The following MYRIP variants were observed in gnomAD, a reference collection of about 807,000 sequenced individuals.
MYRIP encodes the protein rab effector MyRIP.
In MYRIP, 49 loss-of-function variants were observed where a neutral mutation model predicts 98.0. The observed-to-expected ratio is 0.50, with a 90% CI of 0.40 to 0.63. MYRIP has a LOEUF of 0.63. MYRIP is among the 30% of genes least tolerant of loss of function. The pLI, the probability that MYRIP is intolerant of heterozygous loss-of-function variation, is 0.00. For missense variants in MYRIP, 1,004 were observed against 1,058.2 expected (o/e 0.95, Z 0.71); for synonymous variants, 404 against 409.5 (o/e 0.99, Z 0.16).
intron 1 of MYRIP, among the ~76,000 whole-genome samples, chr3:39,895,600 T>A (rs1328151978): frequency 1.3e-5 from 2 of 152,198 alleles, no homozygotes; most frequent in Non-Finnish European, 2.9e-5. Context: ...TAACTTCTAC[T>A]GAATCTCAAT....
In MYRIP at chr3:39,938,865, G is replaced by A. The variant is rs116544511; in HGVS notation, c.110+37939G>A. On this transcript the variant is annotated intron_variant, in intron 2 of 16. Transcript: ENST00000302541. Reference sequence around the variant, plus strand: ...ATATAACAGATGAGAAAGCTAAGGCGTGGAGAGGTGCCTAACATTCTACAT... The same window carrying A: ...ATATAACAGATGAGAAAGCTAAGGCATGGAGAGGTGCCTAACATTCTACAT... Among the ~76,000 whole-genome samples the A allele has an allele frequency of 3.4e-3, 512 of 152,230 alleles. 1 individual carries two copies. Among genetic ancestry groups the A allele is most frequent in the Middle Eastern group, 0.017 (5 of 294 alleles).
chr3:39,857,708 A>T (rs1942346917), intron 1 of MYRIP, among the ~76,000 whole-genome samples: 1 of 152,230 alleles, frequency 6.6e-6, no homozygotes, highest in African/African-American at 2.4e-5. Context: ...CTGGATACAG[A>T]ATATGACAAA....
chr3:39,961,566 G>A (rs77550966), intron 2 of MYRIP, among the ~76,000 whole-genome samples: 4,184 of 152,090 alleles, frequency 0.028, 120 homozygotes, highest in African/African-American at 0.074. Flanking sequence ...TGTTGAGGCC[G>A]GAGAGTAAGG....
At chr3:40,182,747 C>A (rs1156807054) in intron 9 of MYRIP, among the ~76,000 whole-genome samples, 1 of 152,184 alleles carries the variant, frequency 6.6e-6, no homozygotes, top group Non-Finnish European at 1.5e-5. Flanking sequence ...CTTATGTGGG[C>A]CAGGAGCATT....
intron 1 of MYRIP, among the ~76,000 whole-genome samples, chr3:39,884,262 C>G (rs1172168638): frequency 6.6e-6 from 1 of 152,108 alleles, no homozygotes; most frequent in East Asian, 1.9e-4. Context: ...ACAATTCAGA[C>G]AAGATGGCAT....
intron 1 of MYRIP, among the ~76,000 whole-genome samples, chr3:39,821,751 A>T (rs1559485772): frequency 6.6e-6 from 1 of 150,870 alleles, no homozygotes; most frequent in Non-Finnish European, 1.5e-5. Flanking sequence ...ACTTTTTAAT[A>T]TTTTTTTTTC....
chr3:40,071,023 C>A, intron 3 of MYRIP: 1 of 491,506 alleles, frequency 2.0e-6, no homozygotes, highest in Non-Finnish European at 2.6e-6. Context: ...TGGAGTGAGT[C>A]ACACAAGATG....
intron 11 of MYRIP, among the ~76,000 whole-genome samples, chr3:40,229,113 G>A (rs1952570705): frequency 6.6e-6 from 1 of 152,216 alleles, no homozygotes; most frequent in Non-Finnish European, 1.5e-5. Context: ...TATAGCTACT[G>A]TTTAGAATGA....
At chr3:40,009,237 CTTTT>C (rs553315704) in intron 2 of MYRIP, among the ~76,000 whole-genome samples, 3 of 139,206 alleles carry the variant, frequency 2.2e-5, no homozygotes, top group African/African-American at 2.7e-5. Flanking sequence ...ACTGCTACTT[CTTTT>C]TTTTTTTTTT....
intron 9 of MYRIP, among the ~76,000 whole-genome samples, chr3:40,187,623 G>A (rs549264641): frequency 1.2e-4 from 18 of 152,298 alleles, no homozygotes; most frequent in African/African-American, 4.3e-4. Flanking sequence ...CTCTGGCTTC[G>A]AGACCACTGG....
intron 2 of MYRIP, among the ~76,000 whole-genome samples, chr3:40,026,657 G>A (rs1947137097): frequency 6.6e-6 from 1 of 152,120 alleles, no homozygotes; most frequent in South Asian, 2.1e-4. Flanking sequence ...GCAACAATGA[G>A]GGATCTGCTT....
intron 9 of MYRIP, among the ~76,000 whole-genome samples, chr3:40,183,870 G>C (rs753442122): frequency 6.6e-6 from 1 of 152,186 alleles, no homozygotes; most frequent in East Asian, 1.9e-4. Context: ...AAAGGGAAAA[G>C]ATTTAACCAA....
intron 3 of MYRIP, chr3:40,099,897 A>T: frequency 1.3e-6 from 1 of 780,864 alleles, no homozygotes; most frequent in Non-Finnish European, 1.6e-6. Flanking sequence ...GGGCAGCTTT[A>T]AATGAGCTTT....
intron 9 of MYRIP, among the ~76,000 whole-genome samples, chr3:40,186,747 G>A (rs1486671347): frequency 1.2e-4 from 19 of 152,172 alleles, no homozygotes; most frequent in Admixed American, 6.5e-5. Flanking sequence ...GGTTTGGGGT[G>A]GGGCACACAC....
intron 1 of MYRIP, among the ~76,000 whole-genome samples, chr3:39,844,785 G>C (rs769983350): frequency 6.6e-6 from 1 of 152,124 alleles, no homozygotes; most frequent in Non-Finnish European, 1.5e-5. Context: ...AGCATTTGTG[G>C]TACTTCTACA....
intron 2 of MYRIP, among the ~76,000 whole-genome samples, chr3:39,902,560 G>A (rs1201733169): frequency 6.6e-6 from 1 of 152,136 alleles, no homozygotes; most frequent in Non-Finnish European, 1.5e-5. Context: ...AACCTCTGTG[G>A]AATGGATGGA....
At chr3:40,234,110 T>C (rs1215050985) in intron 12 of MYRIP, 57 bp downstream of exon 12, 38 of 1,519,880 alleles carry the variant, frequency 2.5e-5, no homozygotes, top group Non-Finnish European at 3.3e-5. Context: ...AAGAAGCTGA[T>C]GAAATTGTAG....
intron 1 of MYRIP, among the ~76,000 whole-genome samples, chr3:39,881,703 A>G (rs988194483): frequency 1.3e-5 from 2 of 151,908 alleles, no homozygotes; most frequent in African/African-American, 2.4e-5. Flanking sequence ...TTCACCCTTT[A>G]TCTTCATTTT....
intron 1 of MYRIP, among the ~76,000 whole-genome samples, chr3:39,860,607 C>T (rs1389812462): frequency 6.6e-6 from 1 of 152,136 alleles, no homozygotes; most frequent in Non-Finnish European, 1.5e-5. Context: ...TAGGGTGTCT[C>T]CCAGAAGCCC....
Sources: gnomAD v4.1 joint callset for allele counts (sites outside exome capture counted in the v4.1 genomes callset) on GRCh38, gnomAD v4.1.1 for gene constraint, MANE v1.5 for transcripts, NCBI Gene and HGNC (gene_info 2026-07-23, HGNC 2026-07-21) for gene names.